MRPS9: variants seen among roughly 807,000 people sequenced by gnomAD.
MRPS9 encodes small ribosomal subunit protein uS9m.
In MRPS9, 45 loss-of-function variants were observed where a neutral mutation model predicts 59.9. That is an observed-to-expected ratio of 0.75 (90% confidence interval 0.59 to 0.96). The LOEUF is 0.96. Among genes scored for constraint, MRPS9 ranks in the 40% least tolerant of loss-of-function variants. The pLI, the probability that MRPS9 is intolerant of heterozygous loss-of-function variation, is 0.00. For synonymous variants in MRPS9, 171 were observed against 166.8 expected, an observed-to-expected ratio of 1.03 and a Z score of -0.19; for missense variants, 473 against 481.1, an observed-to-expected ratio of 0.98 and a Z score of 0.16.
At position 105,080,075 on chromosome 2, in the gene MRPS9, C is replaced by A. The variant is rs1223274589; in HGVS notation, c.489+13C>A. 1.9e-6 allele frequency: 3 copies of A among 1,546,504 alleles called. No individual in the cohort carries two copies. The South Asian group carries it at 3.4e-5, about 18-fold the overall frequency. ...TTCATTAATGCATGTAAGTATATTG[C>A]ATTTATGATAAATAATATGAGCTGT... is the stretch of plus-strand genomic sequence containing the variant. On this transcript the variant is annotated intron_variant, in intron 5 of 10. Coordinates refer to ENST00000258455, the MANE Select transcript of MRPS9 (RefSeq NM_182640.3).
chr2:105,098,723 T>C (rs1680725103), intron 10 of MRPS9: 1 of 152,256 alleles, frequency 6.6e-6, no homozygotes, highest in Admixed American at 6.5e-5. Context: ...AAGGTTTTCC[T>C]TTGCTCTATG....
At chr2:105,093,758 C>G in intron 9 of MRPS9, 120 bp downstream of exon 9, 1 of 505,474 alleles carries the variant, frequency 2.0e-6, no homozygotes, top group Non-Finnish European at 3.5e-6. Flanking sequence ...TTTCTCTTTA[C>G]CAATGTAACA....
At chr2:105,058,882 G>A (rs561225100) in intron 2 of MRPS9, among the ~76,000 whole-genome samples, 1 of 152,050 alleles carries the variant, frequency 6.6e-6, no homozygotes, top group East Asian at 1.9e-4. Flanking sequence ...GTTTCACCAT[G>A]TTGGTCAGGC....
Position 105,049,214 on chromosome 2 carries a change from A to G in MRPS9, c.179A>G (p.Asn60Ser). 1.2e-6 allele frequency: 2 copies of G among 1,612,340 alleles called. No individual in the cohort carries two copies. Among genetic ancestry groups the G allele is most frequent in the Middle Eastern group, 1.7e-4 (1 of 6,036 alleles). Residue 60 changes from asparagine (N) to serine (S), a missense_variant, in exon 2 of 11, where the codon AAC becomes AGC. Asn to Ser is a conservative substitution (Grantham distance 46, BLOSUM62 1). Coordinates refer to ENST00000258455, the MANE Select transcript of MRPS9 (RefSeq NM_182640.3). Reference sequence around the variant, plus strand: ...ACTGCATTTGTAATACCAAAGAAAAACGTTCCTACCTCAAAACGTGAAACT... The same window carrying G: ...ACTGCATTTGTAATACCAAAGAAAAGCGTTCCTACCTCAAAACGTGAAACT... ...RHTAFVIPKK[N>S]VPTSKRETYT...
intron 1 of MRPS9, among the ~76,000 whole-genome samples, chr2:105,044,087 C>G (rs997530359): frequency 2.0e-5 from 3 of 152,078 alleles, no homozygotes; most frequent in Admixed American, 6.6e-5. Context: ...AGGTGCCTGA[C>G]ACCATGCCCA....
chr2:105,095,542 G>A (rs927597364), intron 9 of MRPS9, among the ~76,000 whole-genome samples: 16 of 144,280 alleles, frequency 1.1e-4, no homozygotes, highest in African/African-American at 3.9e-4. Flanking sequence ...TTGTTGCCCA[G>A]GCTGGAGTAC....
intron 2 of MRPS9, among the ~76,000 whole-genome samples, chr2:105,053,372 C>T (rs1490791148): frequency 1.3e-5 from 2 of 152,014 alleles, no homozygotes; most frequent in African/African-American, 4.8e-5. Flanking sequence ...AAATTAGGCA[C>T]CGTTGTATTC....
Position 105,099,713 on chromosome 2 carries a change from G to A in MRPS9, c.1143G>A (p.Lys381=). The change falls in exon 11 of 11, where the codon AAG becomes AAA. Residue 381 remains lysine (K), a synonymous_variant. Coordinates refer to ENST00000258455, the MANE Select transcript of MRPS9 (RefSeq NM_182640.3). ...ATCCACGTGTGAGGGAACGGAAGAA[G>A]CCAGGCCAAGAGGGAGCCCGCAGAA... ...TTDPRVRERK[K]PGQEGARRKF... The A allele has an allele frequency of 1.2e-6, 2 of 1,614,162 alleles. No individual in the cohort carries two copies. The highest frequency in any genetic ancestry group is 3.3e-4 in the Middle Eastern group (2 of 6,054).
chr2:105,091,530 T>G (rs1194277774), intron 7 of MRPS9: 5 of 304,084 alleles, frequency 1.6e-5, no homozygotes, highest in Non-Finnish European at 3.4e-5. Flanking sequence ...TTAATCTTAC[T>G]GGTGAGATTT....
chr2:105,080,608 C>T (rs934781230), intron 5 of MRPS9, among the ~76,000 whole-genome samples: 3 of 152,050 alleles, frequency 2.0e-5, no homozygotes, highest in Non-Finnish European at 4.4e-5. Flanking sequence ...GTTTTCAGAG[C>T]TATAAGTGTC....
chr2:105,079,945 A>G, intron 4 of MRPS9, 38 bp from the exon 5 acceptor site: 1 of 1,494,144 alleles, frequency 6.7e-7, no homozygotes, highest in Non-Finnish European at 9.3e-7. Context: ...GTCTCTGTGT[A>G]TATTTTTATT....
intron 1 of MRPS9, among the ~76,000 whole-genome samples, chr2:105,046,562 C>T (rs1404366994): frequency 2.0e-5 from 3 of 151,992 alleles, no homozygotes; most frequent in African/African-American, 7.2e-5. Flanking sequence ...GGATGTCCAT[C>T]AACATCTCAC....
intron 7 of MRPS9, among the ~76,000 whole-genome samples, 159 bp downstream of exon 7, chr2:105,090,154 C>A (rs1164090038): frequency 6.6e-6 from 1 of 152,080 alleles, no homozygotes; most frequent in Non-Finnish European, 1.5e-5. Context: ...AACAAAAAAA[C>A]AAAACACATT....
At chr2:105,077,904 T>C (rs1263376636) in intron 4 of MRPS9, among the ~76,000 whole-genome samples, 4 of 152,324 alleles carry the variant, frequency 2.6e-5, no homozygotes, top group East Asian at 1.9e-4. Flanking sequence ...ATAAATTGAA[T>C]ATAACTTTAC....
chr2:105,085,297 A>C (rs1006508415), intron 5 of MRPS9, among the ~76,000 whole-genome samples: 15 of 152,170 alleles, frequency 9.9e-5, no homozygotes, highest in Non-Finnish European at 1.3e-4. Flanking sequence ...GCCAGTGGCC[A>C]AAAAATTGAG....
chr2:105,097,321 C>T lies in MRPS9; in HGVS notation c.1096C>T (p.Gln366Ter), dbSNP rs369132061. The T allele has an allele frequency of 4.4e-6, 7 of 1,603,554 alleles. No homozygotes were observed. The highest frequency in any genetic ancestry group is 6.0e-6 in the Non-Finnish European group (7 of 1,175,040). The change falls in exon 10 of 11, where the codon CAA becomes TAA. Residue 366 changes from glutamine (Q) to a stop codon, truncating the protein, a stop_gained. Coordinates refer to ENST00000258455, the MANE Select transcript of MRPS9 (RefSeq NM_182640.3). LOFTEE classifies it high-confidence loss of function. ...CGAGGACGAGGTCGAGTGGATGAGA[C>T]AAGGTATGAGTCTAGGTGGGACGGG... ...VTEDEVEWMR[Q>*]AGLLTTDPRV... is the part of the protein sequence containing the mutation.
Position 105,055,601 on chromosome 2 carries a change from T to C in MRPS9, c.315+6251T>C, listed in dbSNP as rs376117166. Among the ~76,000 whole-genome samples, 101 of 151,110 alleles carry C rather than the reference T, an allele frequency of 6.7e-4. 2 individuals are homozygous for C. In the East Asian group the frequency reaches 7.1e-3, roughly 11 times the overall value. On this transcript the variant is annotated intron_variant, in intron 2 of 10. Transcript: ENST00000258455. Reference sequence around the variant, plus strand: ...AAATATAGCGGACCCCTTTTGGTATTGCATTTTATTAAATATAGCGGACCC... The same window carrying C: ...AAATATAGCGGACCCCTTTTGGTATCGCATTTTATTAAATATAGCGGACCC...
At chr2:105,088,136 G>A (rs73945039) in intron 5 of MRPS9, among the ~76,000 whole-genome samples, 4,665 of 150,096 alleles carry the variant, frequency 0.031, 247 homozygotes, top group East Asian at 0.2. Context: ...GTAAATTTAT[G>A]TCATCTCTGG....
intron 2 of MRPS9, among the ~76,000 whole-genome samples, chr2:105,064,617 G>C (rs1000777398): frequency 6.6e-6 from 1 of 152,182 alleles, no homozygotes; most frequent in Non-Finnish European, 1.5e-5. Context: ...ACAAGGATGG[G>C]GAGGGAACGG....
Sources: allele counts gnomAD v4.1 joint callset (sites outside exome capture counted in the v4.1 genomes callset), GRCh38; gene constraint gnomAD v4.1.1; transcripts MANE v1.5; gene names NCBI Gene and HGNC (gene_info 2026-07-23, HGNC 2026-07-21).